The following TRPS1 variants were observed in gnomAD, a reference collection of about 807,000 sequenced individuals.
The protein encoded by TRPS1 is transcriptional repressor GATA binding 1.
TRPS1 carries 6 observed loss-of-function variants against 101.2 expected under a neutral mutation model. That is an observed-to-expected ratio of 0.06 (90% CI 0.03 to 0.12). The LOEUF (loss-of-function observed/expected upper bound fraction) is 0.12. TRPS1 is among the 10% of genes least tolerant of loss of function. The pLI, the probability that TRPS1 is intolerant of heterozygous loss-of-function variation, is 1.00. For missense variants in TRPS1, 1,363 were observed against 1,567.0 expected, an observed-to-expected ratio of 0.87 and a Z score of 2.20; for synonymous variants, 578 against 589.8, an observed-to-expected ratio of 0.98 and a Z score of 0.29.
At chr8:115,535,399 T>C (rs542624986) in intron 5 of TRPS1, among the ~76,000 whole-genome samples, 1 of 148,480 alleles carries the variant, frequency 6.7e-6, no homozygotes, top group East Asian at 2.0e-4. Flanking sequence ...ATATAGCGCA[T>C]ATATATAGCA....
intron 5 of TRPS1, among the ~76,000 whole-genome samples, chr8:115,459,006 A>C (rs1814097524): frequency 6.6e-6 from 1 of 152,218 alleles, no homozygotes. Flanking sequence ...TTTAACTAAA[A>C]AAAATAAATT....
rs868608744 is a variant in TRPS1 at position 115,604,227 on chromosome 8, G to A, written c.1742C>T (p.Pro581Leu). 14 of 1,614,022 alleles carry A rather than the reference G, an allele frequency of 8.7e-6. No homozygotes were observed. The Middle Eastern group carries it at 1.5e-3, about 171-fold the overall frequency. The change falls in exon 4 of 7, where the codon CCC (proline) becomes CTC (leucine). Residue 581 changes from proline (P) to leucine (L), a missense_variant. Coordinates refer to ENST00000395715, the MANE Select transcript of TRPS1 (RefSeq NM_014112.5). This position sits in a 1 kb window ranked among gnomAD's most constrained non-coding sequence, Gnocchi z 4.1. ...CTTTTCTGGGCTGCAAAGTCCTCTG[G>A]GACAGAATGGACAGTGTTTAATGGT... ...KCTIKHCPFC[P>L]RGLCSPEKHL...
intron 5 of TRPS1, among the ~76,000 whole-genome samples, chr8:115,421,748 G>C (rs1813067369): frequency 6.6e-6 from 1 of 152,152 alleles, no homozygotes; most frequent in South Asian, 2.1e-4. Flanking sequence ...GTAGTGTCCT[G>C]AGCTGTGTCA....
At chr8:115,570,075 T>C (rs1378363358) in intron 5 of TRPS1, among the ~76,000 whole-genome samples, 1 of 151,942 alleles carries the variant, frequency 6.6e-6, no homozygotes, top group Non-Finnish European at 1.5e-5. Flanking sequence ...TTTCACCAGA[T>C]AACTCAGAAA....
intron 5 of TRPS1, among the ~76,000 whole-genome samples, chr8:115,449,547 A>T (rs1282197150): frequency 2.0e-5 from 3 of 152,206 alleles, no homozygotes; most frequent in Non-Finnish European, 4.4e-5. Context: ...AGCTTCTGCA[A>T]CTGTCTGAGT....
Position 115,604,986 on chromosome 8 carries a change from G to C in TRPS1, c.983C>G (p.Thr328Arg). 1 of 1,613,524 alleles carries C rather than the reference G, an allele frequency of 6.2e-7. No individual in the cohort carries two copies. Among genetic ancestry groups the C allele is most frequent in the Non-Finnish European group, 8.5e-7 (1 of 1,179,912 alleles). Residue 328 changes from threonine to arginine, a missense_variant, in exon 4 of 7, where the codon ACA becomes AGA. Physicochemically the swap from Thr to Arg is moderately conservative, Grantham distance 71. Coordinates refer to ENST00000395715, the MANE Select transcript of TRPS1 (RefSeq NM_014112.5). This position sits in a 1 kb window ranked among gnomAD's most constrained non-coding sequence, Gnocchi z 4.1. Reference sequence around the variant, plus strand: ...TGTTTTCCGTCCAATGCCAATGAATGTTCCACCTGAAGTCACCTGGAGAAC... The same window carrying C: ...TGTTTTCCGTCCAATGCCAATGAATCTTCCACCTGAAGTCACCTGGAGAAC... Reference protein sequence around the residue: ...TYDVQVTSGGTFIGIGRKTPD... With the variant: ...TYDVQVTSGGRFIGIGRKTPD...
chr8:115,464,763 T>G (rs1243063830), intron 5 of TRPS1, among the ~76,000 whole-genome samples: 2 of 152,154 alleles, frequency 1.3e-5, no homozygotes, highest in East Asian at 3.8e-4. Context: ...CTGGAACATC[T>G]AACCGATACA....
rs767742814 is a variant in TRPS1 at position 115,414,533 on chromosome 8, C to G, written c.3375G>C (p.Arg1125=). 5 of 1,613,798 alleles carry G rather than the reference C, an allele frequency of 3.1e-6. No homozygotes were observed. The change falls in exon 7 of 7, where the codon CGG becomes CGC. Residue 1125 remains arginine (R), a synonymous_variant. Transcript: ENST00000395715. The surrounding 1 kb of genome is among the most constrained non-coding windows in gnomAD (Gnocchi z 4.8). ...CGGAGAGCTTATATTTACTCCAGAACCGCAGCCAATCAGCTTCACTCTGGA... is the reference window on the plus strand; with the variant it reads ...CGGAGAGCTTATATTTACTCCAGAAGCGCAGCCAATCAGCTTCACTCTGGA... The part of the protein sequence containing the change: ...NDFQSEADWL[R]FWSKYKLSVP...
At chr8:115,498,405 CTCTCTCTCTCTATATATATATATATA>C (rs1389762999) in intron 5 of TRPS1, among the ~76,000 whole-genome samples, 27 of 85,668 alleles carry the variant, frequency 3.2e-4, no homozygotes, top group African/African-American at 1.4e-3. Flanking sequence ...CTCTCTCTCT[CTCTCTCTCTCTATATATATATATATA>C]TATATATATA....
At chr8:115,631,661 GGATGGA>G (rs1818645936) in intron 1 of TRPS1, among the ~76,000 whole-genome samples, 1 of 149,424 alleles carries the variant, frequency 6.7e-6, no homozygotes, top group Non-Finnish European at 1.5e-5. Context: ...ATGGATGGAT[GGATGGA>G]TGGATGGATG....
At chr8:115,547,052 T>C (rs890554968) in intron 5 of TRPS1, among the ~76,000 whole-genome samples, 1 of 152,236 alleles carries the variant, frequency 6.6e-6, no homozygotes, top group African/African-American at 2.4e-5. Flanking sequence ...AAGTTTTTAA[T>C]CTAGCATCCA....
In TRPS1 at chr8:115,409,515, G is replaced by C. The variant is rs1812738712; in HGVS notation, c.*4508C>G. ...CACATTTTCTTCATGTGACATACTT[G>C]ACATACTTCTGCCCTAGCATATTCC... is the stretch of plus-strand genomic sequence containing the variant. On this transcript the variant is annotated 3_prime_UTR_variant, in exon 7 of 7. Transcript: ENST00000395715. The C allele has an allele frequency of 6.6e-6, 1 of 151,974 alleles. No homozygotes were observed. Among genetic ancestry groups the C allele is most frequent in the Non-Finnish European group, 1.5e-5 (1 of 67,968 alleles). 9.4% of individuals were successfully genotyped at this position (151,974 alleles called of 1,614,324 possible). A position where few individuals can be genotyped will look rare whatever the true frequency, so the allele number is the denominator to read the frequency against.
chr8:115,606,419 T>A (rs1300738004), intron 3 of TRPS1, among the ~76,000 whole-genome samples: 1 of 152,196 alleles, frequency 6.6e-6, no homozygotes, highest in East Asian at 1.9e-4. Context: ...CAACTCAACA[T>A]TTACTGTACA....
intron 5 of TRPS1, among the ~76,000 whole-genome samples, chr8:115,532,846 G>A (rs748542964): frequency 2.6e-5 from 4 of 152,088 alleles, no homozygotes. Flanking sequence ...TGGGTGCCAC[G>A]AGGATGATAA....
chr8:115,597,758 T>C (rs1249166975), intron 4 of TRPS1, among the ~76,000 whole-genome samples: 1 of 152,158 alleles, frequency 6.6e-6, no homozygotes, highest in Non-Finnish European at 1.5e-5. Context: ...TTTAGAACCA[T>C]TGTACTTTCT....
At chr8:115,603,719 G>A (rs904479555) in intron 4 of TRPS1, among the ~76,000 whole-genome samples, 154 bp downstream of exon 4, 1 of 152,280 alleles carries the variant, frequency 6.6e-6, no homozygotes, top group East Asian at 1.9e-4. Flanking sequence ...TATATCACCT[G>A]CAAATCTGTG....
chr8:115,662,468 G>A (rs778738878), intron 1 of TRPS1, among the ~76,000 whole-genome samples: 7 of 151,984 alleles, frequency 4.6e-5, no homozygotes, highest in Admixed American at 6.6e-5. Context: ...CTGAGCCACC[G>A]AATGGGGCGG....
At chr8:115,516,019 G>A (rs1229025713) in intron 5 of TRPS1, among the ~76,000 whole-genome samples, 2 of 151,144 alleles carry the variant, frequency 1.3e-5, no homozygotes, top group Non-Finnish European at 3.0e-5. Flanking sequence ...TAATTAAACT[G>A]AGCATACTAG....
Position 115,485,732 on chromosome 8 carries a change from A to T in TRPS1, c.2701-67280T>A, listed in dbSNP as rs117592691. On this transcript the variant is annotated intron_variant, in intron 5 of 6. Transcript: ENST00000395715. ...ACAGATATAGGAAACGGTTCTTTGA[A>T]AACCCAAGTTACAATCTGAGTCATC... Among the ~76,000 whole-genome samples the T allele has an allele frequency of 3.3e-5, 5 of 152,356 alleles. No individual in the cohort carries two copies. The East Asian group carries it at 9.6e-4, about 29-fold the overall frequency.
Sources: allele counts gnomAD v4.1 joint callset (sites outside exome capture counted in the v4.1 genomes callset), GRCh38; gene constraint gnomAD v4.1.1; non-coding constraint Gnocchi (gnomAD v3.1); transcripts MANE v1.5; gene names NCBI Gene and HGNC (gene_info 2026-07-23, HGNC 2026-07-21).